The following TRIO variants were observed in gnomAD, a reference collection of about 807,000 sequenced individuals.
TRIO encodes triple functional domain protein.
TRIO carries 58 observed loss-of-function variants against 351.9 expected under a neutral mutation model. The ratio of observed to expected loss-of-function variants is 0.16; its 90% CI spans 0.13 to 0.21. The LOEUF (loss-of-function observed/expected upper bound fraction) is 0.21. TRIO is among the 10% of genes least tolerant of loss of function. The pLI, the probability that TRIO is intolerant of heterozygous loss-of-function variation, is 1.00. For missense variants in TRIO, 3,201 were observed against 4,027.8 expected (o/e 0.79, Z 5.56); for synonymous variants, 1,758 against 1,595.7 (o/e 1.10, Z -2.42).
chr5:14,288,390 C>G (rs963569629), intron 4 of TRIO, among the ~76,000 whole-genome samples: 66 of 152,128 alleles, frequency 4.3e-4, no homozygotes, highest in Admixed American at 3.9e-4. Context: ...CCAGCAGGAC[C>G]GGGTGTGGTG....
chr5:14,316,123 T>G (rs1364940761), intron 8 of TRIO, among the ~76,000 whole-genome samples: 1 of 152,240 alleles, frequency 6.6e-6, no homozygotes, highest in African/African-American at 2.4e-5. Context: ...AAATTATTAC[T>G]TTTAAATTTT....
intron 34 of TRIO, among the ~76,000 whole-genome samples, chr5:14,437,038 T>A (rs920499580): frequency 1.3e-5 from 2 of 152,242 alleles, no homozygotes; most frequent in African/African-American, 4.8e-5. Flanking sequence ...GTGTCTGCAA[T>A]CTATCAACAA....
intron 1 of TRIO, among the ~76,000 whole-genome samples, chr5:14,185,536 G>A (rs1246391364): frequency 1.3e-5 from 2 of 152,194 alleles, no homozygotes; most frequent in Admixed American, 6.5e-5. Context: ...ACCTGCCCCT[G>A]CCTGCACTTA....
At chr5:14,347,742 C>T (rs763473769) in intron 11 of TRIO, among the ~76,000 whole-genome samples, 1 of 152,128 alleles carries the variant, frequency 6.6e-6, no homozygotes, top group Non-Finnish European at 1.5e-5. Context: ...GAGTTTCTAG[C>T]GTCATGTTGC....
At chr5:14,413,653 A>T (rs1384653471) in intron 33 of TRIO, among the ~76,000 whole-genome samples, 1 of 152,194 alleles carries the variant, frequency 6.6e-6, no homozygotes, top group Non-Finnish European at 1.5e-5. Flanking sequence ...GTCATCTTTG[A>T]TCATTTCAGT....
At chr5:14,327,654 C>T (rs757506208) in intron 9 of TRIO, among the ~76,000 whole-genome samples, 2 of 151,824 alleles carry the variant, frequency 1.3e-5, no homozygotes, top group African/African-American at 4.8e-5. Flanking sequence ...AGTAATATAC[C>T]GAATATATTA....
At chr5:14,493,857 C>T (rs1362337861) in intron 49 of TRIO, among the ~76,000 whole-genome samples, 1 of 152,198 alleles carries the variant, frequency 6.6e-6, no homozygotes, top group Non-Finnish European at 1.5e-5. Flanking sequence ...GGCAAAACAG[C>T]CTTTGCTGAG....
intron 34 of TRIO, among the ~76,000 whole-genome samples, chr5:14,458,142 C>T (rs1214157654): frequency 1.3e-5 from 2 of 151,984 alleles, no homozygotes; most frequent in African/African-American, 4.8e-5. Flanking sequence ...TCCCGACCTC[C>T]CCACGGGCCA....
intron 49 of TRIO, among the ~76,000 whole-genome samples, chr5:14,496,169 A>G (rs1012144860): frequency 2.0e-5 from 3 of 152,252 alleles, no homozygotes; most frequent in Non-Finnish European, 4.4e-5. Flanking sequence ...TATTGCACAC[A>G]TAATAGACTC....
intron 34 of TRIO, among the ~76,000 whole-genome samples, chr5:14,457,583 C>T (rs1753451448): frequency 6.6e-6 from 1 of 152,034 alleles, no homozygotes; most frequent in Non-Finnish European, 1.5e-5. Context: ...ACCATTTTTA[C>T]AACAACTAGC....
At position 14,498,650 on chromosome 5, in the gene TRIO, G is replaced by A. The variant is rs780979601; in HGVS notation, c.8332+10G>A. On this transcript the variant is annotated intron_variant, in intron 53 of 56. Coordinates refer to ENST00000344204, the MANE Select transcript of TRIO (RefSeq NM_007118.4). ...AGCCTGAGGGTCCTAGGTAAGCACC[G>A]TGCAACGAGGATTCTACGTGACCCA... The A allele has an allele frequency of 1.9e-6, 3 of 1,610,732 alleles. No homozygotes were observed. Among genetic ancestry groups the A allele is most frequent in the South Asian group, 1.1e-5 (1 of 91,036 alleles).
intron 34 of TRIO, among the ~76,000 whole-genome samples, chr5:14,444,520 C>T (rs139969130): frequency 6.6e-6 from 1 of 152,296 alleles, no homozygotes; most frequent in African/African-American, 2.4e-5. Flanking sequence ...CCCTGCTCAC[C>T]CCTACCTGTG....
Position 14,194,418 on chromosome 5 carries a change from A to T in TRIO, c.157+50536A>T, listed in dbSNP as rs182107742. ...TTTATAATAATTGTTTTCTTTCTTT[A>T]TTGTTATACAGGTGCTCCATTAGGT... On this transcript the variant is annotated intron_variant, in intron 1 of 56. Transcript: ENST00000344204. Among the ~76,000 whole-genome samples the T allele has an allele frequency of 5.3e-5, 8 of 152,268 alleles. No homozygotes were observed. The East Asian group carries it at 1.5e-3, about 29-fold the overall frequency.
intron 37 of TRIO, among the ~76,000 whole-genome samples, chr5:14,468,630 C>G (rs1202730309): frequency 2.0e-5 from 3 of 152,230 alleles, no homozygotes; most frequent in Non-Finnish European, 4.4e-5. Flanking sequence ...TCAGAAAACA[C>G]TAATGCATCA....
intron 1 of TRIO, among the ~76,000 whole-genome samples, chr5:14,223,248 T>A (rs1300546658): frequency 1.3e-5 from 2 of 148,360 alleles, no homozygotes; most frequent in African/African-American, 5.0e-5. Context: ...ATTTCCTGTT[T>A]CTTACCTTGA....
chr5:14,436,581 C>T (rs1433293697), intron 34 of TRIO, among the ~76,000 whole-genome samples: 1 of 152,184 alleles, frequency 6.6e-6, no homozygotes, highest in Non-Finnish European at 1.5e-5. Flanking sequence ...AGGCAAGTCC[C>T]TTCCACCTAT....
chr5:14,438,187 C>A (rs141031428), intron 34 of TRIO, among the ~76,000 whole-genome samples: 2 of 152,202 alleles, frequency 1.3e-5, no homozygotes, highest in Non-Finnish European at 2.9e-5. Context: ...CCACCCCATT[C>A]GCTCCATTTT....
intron 56 of TRIO, 112 bp downstream of exon 56, chr5:14,507,372 A>G (rs1283761842): frequency 1.3e-6 from 2 of 1,485,786 alleles, no homozygotes; most frequent in East Asian, 4.7e-5. Context: ...ACTAGGGACA[A>G]AAAGGGTGGG....
In TRIO at chr5:14,497,545, G is replaced by A. The variant is rs545897797; in HGVS notation, c.8020-302G>A. 2.6e-5 allele frequency among the ~76,000 whole-genome samples: 4 copies of A among 152,344 alleles called. No homozygotes were observed. In the East Asian group the frequency reaches 5.8e-4, roughly 22 times the overall value. On this transcript the variant is annotated intron_variant, in intron 50 of 56. Coordinates refer to ENST00000344204, the MANE Select transcript of TRIO (RefSeq NM_007118.4). This position sits in a 1 kb window ranked among gnomAD's most constrained non-coding sequence, Gnocchi z 4.4. Reference sequence around the variant, plus strand: ...CTGAAAGGGACTCTGAGCGCCAGGGGCCAGGGCGTTGGCGGCTCTGCATTA... The same window carrying A: ...CTGAAAGGGACTCTGAGCGCCAGGGACCAGGGCGTTGGCGGCTCTGCATTA...
Sources: allele counts gnomAD v4.1 joint callset (sites outside exome capture counted in the v4.1 genomes callset), GRCh38; gene constraint gnomAD v4.1.1; non-coding constraint Gnocchi (gnomAD v3.1); transcripts MANE v1.5; gene names NCBI Gene and HGNC (gene_info 2026-07-23, HGNC 2026-07-21).